The following SHANK2 variants were observed in gnomAD, a reference collection of about 807,000 sequenced individuals.
The protein encoded by SHANK2 is SH3 and multiple ankyrin repeat domains protein 2.
A neutral mutation model predicts 133.7 loss-of-function variants in SHANK2; 43 were observed. The ratio of observed to expected loss-of-function variants is 0.32; its 90% CI spans 0.25 to 0.41. The LOEUF is 0.41. Among genes scored for constraint, SHANK2 ranks in the 10% least tolerant of loss-of-function variants. The pLI is 1.00. For synonymous variants in SHANK2, 1,017 were observed against 952.8 expected (o/e 1.07, Z -1.24); for missense variants, 1,994 against 2,235.8 (o/e 0.89, Z 2.18).
At chr11:70,543,619 C>A (rs1554975649) in intron 17 of SHANK2, among the ~76,000 whole-genome samples, 2 of 152,238 alleles carry the variant, frequency 1.3e-5, no homozygotes, top group Non-Finnish European at 2.9e-5. Flanking sequence ...CCTCACCCCA[C>A]ACATCACTCC....
intron 2 of SHANK2, among the ~76,000 whole-genome samples, chr11:71,198,073 T>A (rs1484918216): frequency 2.0e-5 from 3 of 152,180 alleles, no homozygotes; most frequent in Admixed American, 2.0e-4. Flanking sequence ...ACACCCAGCC[T>A]TCAAGGACAG....
In SHANK2 at chr11:70,754,622, C is replaced by T. The variant is rs147926993; in HGVS notation, c.1777+43821G>A. On this transcript the variant is annotated intron_variant, in intron 14 of 25. Transcript: ENST00000601538. ...TGGAACTTGTGGCCCATGCCTTCCACATTTGGGTTCTGAGTAGCCTGGCAA... is the reference window on the plus strand; with the variant it reads ...TGGAACTTGTGGCCCATGCCTTCCATATTTGGGTTCTGAGTAGCCTGGCAA... 4.5e-3 allele frequency among the ~76,000 whole-genome samples: 687 copies of T among 152,296 alleles called. 2 individuals carry two copies. The highest frequency in any genetic ancestry group is 6.7e-3 in the Non-Finnish European group (456 of 68,022).
intron 21 of SHANK2, among the ~76,000 whole-genome samples, chr11:70,496,094 A>G (rs2058966356): frequency 6.6e-6 from 1 of 152,152 alleles, no homozygotes; most frequent in Non-Finnish European, 1.5e-5. Context: ...CAGAAGATGC[A>G]GGACGGCCGA....
intron 14 of SHANK2, among the ~76,000 whole-genome samples, chr11:70,759,190 CAA>C (rs1392842974): frequency 4.2e-5 from 6 of 141,532 alleles, no homozygotes; most frequent in African/African-American, 1.6e-4. Flanking sequence ...CAAACCAAAA[CAA>C]AACAAAAAAA....
At chr11:70,633,271 T>C (rs1195594484) in intron 17 of SHANK2, among the ~76,000 whole-genome samples, 1 of 148,786 alleles carries the variant, frequency 6.7e-6, no homozygotes, top group Non-Finnish European at 1.5e-5. Context: ...TATAAGTATA[T>C]TTATATATAT....
chr11:71,167,960 C>G (rs12284416), intron 2 of SHANK2, among the ~76,000 whole-genome samples: 1 of 131,278 alleles, frequency 7.6e-6, no homozygotes, highest in Non-Finnish European at 1.6e-5. Flanking sequence ...AGGTGGCTGC[C>G]GGGCAGAGAA....
chr11:70,732,200 C>A (rs1946304181), intron 14 of SHANK2, among the ~76,000 whole-genome samples: 1 of 152,228 alleles, frequency 6.6e-6, no homozygotes, highest in Non-Finnish European at 1.5e-5. Flanking sequence ...ATCACCCCAT[C>A]TCTGCCCTGG....
intron 17 of SHANK2, among the ~76,000 whole-genome samples, chr11:70,554,833 AT>A (rs34927941): frequency 0.049 from 5,624 of 114,762 alleles, 140 homozygotes; most frequent in East Asian, 0.11. Flanking sequence ...CACTATCTCC[AT>A]TTTTTTTTTT....
At chr11:71,210,229 TA>T (rs1565516655) in intron 2 of SHANK2, among the ~76,000 whole-genome samples, 17 of 68,640 alleles carry the variant, frequency 2.5e-4, no homozygotes, top group East Asian at 3.8e-4. Context: ...TATATATATA[TA>T]TATATATATA....
intron 17 of SHANK2, among the ~76,000 whole-genome samples, chr11:70,505,773 G>A (rs1298280732): frequency 2.0e-5 from 3 of 152,112 alleles, no homozygotes; most frequent in East Asian, 1.9e-4. Context: ...AGGGCTCGTC[G>A]GGCTGATGGG....
chr11:70,680,536 G>T (rs1379070898), intron 15 of SHANK2, among the ~76,000 whole-genome samples: 1 of 152,126 alleles, frequency 6.6e-6, no homozygotes, highest in African/African-American at 2.4e-5. Flanking sequence ...CCTCTGATGA[G>T]GATCCCTGTG....
chr11:70,593,735 G>A (rs550239174), intron 17 of SHANK2, among the ~76,000 whole-genome samples: 2 of 152,304 alleles, frequency 1.3e-5, no homozygotes, highest in African/African-American at 4.8e-5. Flanking sequence ...GTGGGCAAAC[G>A]GAGTGTCCAC....
chr11:71,184,017 A>G (rs782535359), intron 2 of SHANK2, among the ~76,000 whole-genome samples: 1 of 152,124 alleles, frequency 6.6e-6, no homozygotes, highest in Non-Finnish European at 1.5e-5. Context: ...GACGCTCCTG[A>G]CTGGGGAGCA....
In SHANK2 at chr11:70,518,398, A is replaced by T. The variant is rs376590323; in HGVS notation, c.2062-15467T>A. On this transcript the variant is annotated intron_variant, in intron 17 of 25. Coordinates refer to ENST00000601538, the MANE Select transcript of SHANK2 (RefSeq NM_012309.5). The stretch of plus-strand genomic sequence containing the variant: ...AACCAAAAACCACAATGCCATTCTC[A>T]TGCCTAAAAAGCGACTGCATTCCTG... 3.6e-4 allele frequency among the ~76,000 whole-genome samples: 55 copies of T among 152,328 alleles called. 1 individual carries two copies. The South Asian group carries it at 0.011, about 31-fold the overall frequency.
intron 15 of SHANK2, among the ~76,000 whole-genome samples, chr11:70,676,321 G>C (rs1354319552): frequency 2.0e-5 from 3 of 152,236 alleles, no homozygotes; most frequent in Non-Finnish European, 4.4e-5. Context: ...TGGCCAAGGA[G>C]ACCCAAGGCC....
intron 14 of SHANK2, among the ~76,000 whole-genome samples, chr11:70,760,959 A>C (rs1946984656): frequency 6.6e-6 from 1 of 152,090 alleles, no homozygotes; most frequent in South Asian, 2.1e-4. Context: ...CCCCTGGAGG[A>C]TGTGCTCAGG....
intron 17 of SHANK2, among the ~76,000 whole-genome samples, chr11:70,544,509 T>C (rs1405450393): frequency 6.6e-6 from 1 of 152,046 alleles, no homozygotes; most frequent in Non-Finnish European, 1.5e-5. Flanking sequence ...GGCCGTGCAG[T>C]GTGTATGGTT....
chr11:71,136,361 C>T (rs1952439944), intron 3 of SHANK2, among the ~76,000 whole-genome samples: 1 of 152,140 alleles, frequency 6.6e-6, no homozygotes, highest in Admixed American at 6.6e-5. Flanking sequence ...AACTGGAGAC[C>T]ATTATCTTAC....
At chr11:70,546,097 A>T (rs1417303962) in intron 17 of SHANK2, among the ~76,000 whole-genome samples, 129 of 137,562 alleles carry the variant, frequency 9.4e-4, no homozygotes, top group African/African-American at 3.3e-3. Flanking sequence ...TATTTATTTA[A>T]TTTTTTTTTT....
Sources: gnomAD v4.1 joint callset for allele counts (sites outside exome capture counted in the v4.1 genomes callset) on GRCh38, gnomAD v4.1.1 for gene constraint, MANE v1.5 for transcripts, NCBI Gene and HGNC (gene_info 2026-07-23, HGNC 2026-07-21) for gene names.